The following FRMD4B variants were observed in gnomAD, a reference collection of about 807,000 sequenced individuals.
FRMD4B encodes FERM domain containing 4B, also known as FERM domain-containing protein 4B.
In FRMD4B, 74 loss-of-function variants were observed where a neutral mutation model predicts 141.5. That is an observed-to-expected ratio of 0.52 (90% CI 0.43 to 0.63). The LOEUF (loss-of-function observed/expected upper bound fraction) is 0.63. Among genes scored for constraint, FRMD4B ranks in the 30% least tolerant of loss-of-function variants. FRMD4B has a pLI of 0.00. For missense variants in FRMD4B, 1,366 were observed against 1,253.4 expected (o/e 1.09, Z -1.36); for synonymous variants, 506 against 467.9 (o/e 1.08, Z -1.05).
chr3:69,308,960 T>C (rs777513783), intron 3 of FRMD4B, among the ~76,000 whole-genome samples: 4 of 152,188 alleles, frequency 2.6e-5, no homozygotes, highest in Admixed American at 6.5e-5. Context: ...AATGCACTTA[T>C]AATTGCTGAT....
intron 12 of FRMD4B, among the ~76,000 whole-genome samples, chr3:69,197,528 C>G (rs2092920547): frequency 7.0e-6 from 1 of 142,648 alleles, no homozygotes. Flanking sequence ...CCAAAACTGT[C>G]CAGAGTGCTG....
intron 7 of FRMD4B, among the ~76,000 whole-genome samples, chr3:69,245,351 G>GTTTTTTTTTTT (rs764318446): frequency 7.2e-6 from 1 of 139,518 alleles, no homozygotes; most frequent in Admixed American, 7.1e-5. Context: ...GTGTGTGTGT[G>GTTTTTTTTTTT]TGTTTTTAGA....
intron 1 of FRMD4B, among the ~76,000 whole-genome samples, chr3:69,506,471 T>C (rs375266854): frequency 9.2e-5 from 14 of 152,096 alleles, no homozygotes; most frequent in African/African-American, 3.4e-4. Flanking sequence ...ACAGACTTCT[T>C]ATGAATGTAC....
Position 69,287,788 on chromosome 3 carries a change from C to T in FRMD4B, c.465G>A (p.Glu155=). 1 of 1,606,072 alleles carries T rather than the reference C, an allele frequency of 6.2e-7. No individual in the cohort carries two copies. The highest frequency in any genetic ancestry group is 1.3e-5 in the African/African-American group (1 of 74,870). Residue 155 remains glutamate (E), a synonymous_variant, in exon 5 of 23, where the codon GAG becomes GAA. Transcript: ENST00000398540. ...AGGCCTTTGCATTCAGGAAAAACAG[C>T]TCCACGGTGGTTTTATCCTTTAAAA... ...ISFLKDKTTV[E]LFFLNAKACV...
intron 1 of FRMD4B, among the ~76,000 whole-genome samples, chr3:69,538,690 T>C (rs1701120153): frequency 6.6e-6 from 1 of 152,228 alleles, no homozygotes; most frequent in Non-Finnish European, 1.5e-5. Flanking sequence ...ATAATTTCAG[T>C]AAATCCAGTC....
At chr3:69,448,025 C>CT (rs370262419) in intron 1 of FRMD4B, among the ~76,000 whole-genome samples, 11,903 of 138,776 alleles carry the variant, frequency 0.086, 651 homozygotes, top group Non-Finnish European at 0.13. Flanking sequence ...CAATACAAAT[C>CT]TTTTTTTTTT....
chr3:69,179,321 T>C (rs557007412), intron 21 of FRMD4B, among the ~76,000 whole-genome samples: 4 of 152,286 alleles, frequency 2.6e-5, no homozygotes, highest in South Asian at 2.1e-4. Flanking sequence ...CCCTGTGCCG[T>C]AGTGACCATC....
intron 1 of FRMD4B, among the ~76,000 whole-genome samples, chr3:69,491,365 A>C (rs1575589377): frequency 6.6e-6 from 1 of 152,184 alleles, no homozygotes; most frequent in Non-Finnish European, 1.5e-5. Flanking sequence ...GGAAGGAAGG[A>C]AGAGAAAGGA....
At chr3:69,355,433 A>C (rs1389358563) in intron 1 of FRMD4B, among the ~76,000 whole-genome samples, 1 of 152,150 alleles carries the variant, frequency 6.6e-6, no homozygotes, top group Non-Finnish European at 1.5e-5. Flanking sequence ...TCTATTTGTT[A>C]ATATATAACA....
At position 69,325,112 on chromosome 3, in the gene FRMD4B, A is replaced by AGAAAGAAAGAAAGAAT. The variant is rs1553724265; in HGVS notation, c.163-11596_163-11595insATTCTTTCTTTCTTTC. Among the ~76,000 whole-genome samples the AGAAAGAAAGAAAGAAT allele has an allele frequency of 5.3e-3, 800 of 151,134 alleles. 2 individuals are homozygous for AGAAAGAAAGAAAGAAT. Among genetic ancestry groups the AGAAAGAAAGAAAGAAT allele is most frequent in the Non-Finnish European group, 8.5e-3 (576 of 67,472 alleles). On this transcript the variant is annotated intron_variant, in intron 1 of 22. Coordinates refer to ENST00000398540, the MANE Select transcript of FRMD4B (RefSeq NM_015123.3). ...AAGAAAGAAAGAAAGAAAGAAAGAAAGAAAGAAAGAAAGAAAAGAAATTAA... is the reference window on the plus strand; with the variant it reads ...AAGAAAGAAAGAAAGAAAGAAAGAAAGAAAGAAAGAAAGAATGAAAGAAAGAAAGAAAAGAAATTAA...
At chr3:69,302,251 C>A in intron 4 of FRMD4B, 92 bp downstream of exon 4, 1 of 714,788 alleles carries the variant, frequency 1.4e-6, no homozygotes, top group Non-Finnish European at 2.6e-6. Flanking sequence ...TCTCTAATCA[C>A]CAGAAATGTA....
intron 1 of FRMD4B, among the ~76,000 whole-genome samples, chr3:69,337,625 C>A (rs183258008): frequency 0.02 from 2,982 of 152,238 alleles, 111 homozygotes; most frequent in African/African-American, 0.068. Context: ...AAACAAACAA[C>A]CCCATCAAAA....
At chr3:69,226,910 T>C (rs907440211) in intron 7 of FRMD4B, among the ~76,000 whole-genome samples, 1 of 152,170 alleles carries the variant, frequency 6.6e-6, no homozygotes, top group Admixed American at 6.6e-5. Context: ...TTGTCCTTAG[T>C]CCTATGTCCC....
chr3:69,455,915 A>G (rs1396719412), intron 1 of FRMD4B, among the ~76,000 whole-genome samples: 1 of 152,186 alleles, frequency 6.6e-6, no homozygotes, highest in Non-Finnish European at 1.5e-5. Flanking sequence ...TCACCTGGCC[A>G]TTTGTAGCTT....
intron 1 of FRMD4B, among the ~76,000 whole-genome samples, chr3:69,370,112 G>GTT (rs199752409): frequency 0.011 from 1,605 of 143,348 alleles, 8 homozygotes; most frequent in Non-Finnish European, 0.017. Flanking sequence ...TTTTGTTCCT[G>GTT]TTTTTTTTTT....
chr3:69,400,091 TA>T (rs1317119716), intron 2 of FRMD4B, among the ~76,000 whole-genome samples: 11 of 151,912 alleles, frequency 7.2e-5, no homozygotes, highest in Non-Finnish European at 1.5e-4. Context: ...TTTCCTTGTT[TA>T]AAAAAAATTG....
intron 7 of FRMD4B, among the ~76,000 whole-genome samples, chr3:69,248,097 C>T (rs575715366): frequency 2.6e-5 from 4 of 152,126 alleles, no homozygotes; most frequent in Admixed American, 2.0e-4. Context: ...CGGCCTCAGG[C>T]GTGAGCCTTT....
chr3:69,222,253 G>C (rs1238514389), intron 8 of FRMD4B, among the ~76,000 whole-genome samples: 5 of 151,810 alleles, frequency 3.3e-5, no homozygotes, highest in Admixed American at 1.3e-4. Flanking sequence ...GGATCATGAG[G>C]TCAGGAGATT....
chr3:69,376,718 A>G (rs1344174890), intron 1 of FRMD4B: 1 of 151,950 alleles, frequency 6.6e-6, no homozygotes, highest in East Asian at 1.9e-4. Flanking sequence ...TATCTATTAC[A>G]TATGGGTGTT....
Sources: allele counts gnomAD v4.1 joint callset (sites outside exome capture counted in the v4.1 genomes callset), GRCh38; gene constraint gnomAD v4.1.1; transcripts MANE v1.5; gene names NCBI Gene and HGNC (gene_info 2026-07-23, HGNC 2026-07-21).